Variants in DNAH6 observed in about 807,000 individuals in gnomAD.
DNAH6 encodes the protein axonemal beta dynein heavy chain 6.
A neutral mutation model predicts 491.4 loss-of-function variants in DNAH6; 340 were observed. That is an observed-to-expected ratio of 0.69 (90% confidence interval 0.63 to 0.76). The LOEUF (loss-of-function observed/expected upper bound fraction) is 0.76, where lower values mean the gene tolerates loss of function less well. DNAH6 is among the 30% of genes least tolerant of loss of function. The probability of loss-of-function intolerance (pLI) is 0.00; values close to 1 mark genes in which losing one functional copy is unlikely to be tolerated. For synonymous variants in DNAH6, 1,603 were observed against 1,686.1 expected (o/e 0.95, Z 1.21); for missense variants, 4,443 against 4,972.2 (o/e 0.89, Z 3.20).
the DNAH6 span, among the ~76,000 whole-genome samples, chr2:84,487,410 G>A: frequency 6.6e-6 from 1 of 152,174 alleles, no homozygotes; most frequent in Admixed American, 6.5e-5. Context: ...TGAACCCTGT[G>A]AAGAGTTGAG....
intron 11 of DNAH6, among the ~76,000 whole-genome samples, chr2:84,564,145 T>C (rs1224954630): frequency 6.6e-6 from 1 of 152,174 alleles, no homozygotes; most frequent in East Asian, 1.9e-4. Flanking sequence ...CCTTTACCTT[T>C]GTTGTTTTTG....
chr2:84,693,355 G>A (rs185748573), intron 45 of DNAH6, among the ~76,000 whole-genome samples: 2 of 151,980 alleles, frequency 1.3e-5, no homozygotes, highest in Non-Finnish European at 1.5e-5. Flanking sequence ...TCAGTTTAGT[G>A]GATTTTCCAT....
At chr2:84,506,157 T>C in the DNAH6 span, among the ~76,000 whole-genome samples, 34 of 152,228 alleles carry the variant, frequency 2.2e-4, no homozygotes, top group South Asian at 6.2e-4. Context: ...ATGGTTGAAC[T>C]AGTTTGCAGT....
At chr2:84,711,656 AGG>A (rs1697058498) in intron 56 of DNAH6, among the ~76,000 whole-genome samples, 1 of 152,234 alleles carries the variant, frequency 6.6e-6, no homozygotes, top group South Asian at 2.1e-4. Context: ...GAGGAAACTG[AGG>A]CATGGAAGGG....
At chr2:84,679,705 G>A (rs1273215361) in intron 41 of DNAH6, among the ~76,000 whole-genome samples, 7 of 152,148 alleles carry the variant, frequency 4.6e-5, no homozygotes, top group Admixed American at 2.6e-4. Context: ...ATAATGATAC[G>A]CTAATTTTAA....
intron 64 of DNAH6, among the ~76,000 whole-genome samples, chr2:84,766,921 C>T (rs1202663723): frequency 6.6e-6 from 1 of 152,050 alleles, no homozygotes; most frequent in Admixed American, 6.6e-5. Context: ...CAAATAATGC[C>T]AGGTAAGAAA....
At chr2:84,652,956 A>G (rs575683262) in intron 33 of DNAH6, among the ~76,000 whole-genome samples, 1 of 152,010 alleles carries the variant, frequency 6.6e-6, no homozygotes, top group East Asian at 1.9e-4. Context: ...TAAATTTTTA[A>G]GTGAGATATT....
chr2:84,717,417 A>C (rs1414844591), intron 58 of DNAH6, among the ~76,000 whole-genome samples: 1 of 152,232 alleles, frequency 6.6e-6, no homozygotes, highest in African/African-American at 2.4e-5. Flanking sequence ...TACTTAAGGC[A>C]GCATACTAGT....
chr2:84,731,558 C>T (rs879750966), intron 61 of DNAH6, among the ~76,000 whole-genome samples: 3 of 152,196 alleles, frequency 2.0e-5, no homozygotes, highest in Non-Finnish European at 4.4e-5. Context: ...TTGTCATGCC[C>T]CTGGCTTGGA....
At position 84,815,860 on chromosome 2, in the gene DNAH6, G is replaced by GT; in HGVS notation, c.12152dup (p.Leu4051PhefsTer5). On this transcript the variant is annotated frameshift_variant and splice_region_variant. Coordinates refer to ENST00000389394, the MANE Select transcript of DNAH6 (RefSeq NM_001370.2). LOFTEE classifies it high-confidence loss of function. ...CTTTGAGACTTGTGGGTATCTTTCAGTTGCCCTCTCCTGAGGATGGTGTTC... is the reference window on the plus strand; with the variant it reads ...CTTTGAGACTTGTGGGTATCTTTCAGTTTGCCCTCTCCTGAGGATGGTGTTC... The GT allele has an allele frequency of 6.5e-7, 1 of 1,548,360 alleles. No homozygotes were observed. Among genetic ancestry groups the GT allele is most frequent in the Non-Finnish European group, 8.7e-7 (1 of 1,144,688 alleles).
chr2:84,792,020 A>T (rs189219754), intron 68 of DNAH6, among the ~76,000 whole-genome samples: 1 of 152,238 alleles, frequency 6.6e-6, no homozygotes, highest in Non-Finnish European at 1.5e-5. Context: ...AGTATCGTAT[A>T]TACATACAAT....
chr2:84,477,744 A>G, the DNAH6 span, among the ~76,000 whole-genome samples: 2 of 152,200 alleles, frequency 1.3e-5, no homozygotes, highest in East Asian at 1.9e-4. Context: ...GGGGCTGAAT[A>G]TTTGTGAGGA....
At chr2:84,692,643 C>A (rs902993574) in intron 45 of DNAH6, among the ~76,000 whole-genome samples, 1 of 152,138 alleles carries the variant, frequency 6.6e-6, no homozygotes, top group African/African-American at 2.4e-5. Flanking sequence ...TTATCACCCC[C>A]TTTTCTATCA....
chr2:84,653,385 A>C lies in DNAH6; in HGVS notation c.5145A>C (p.Ser1715=). The part of the protein sequence containing the change: ...IPEHDYGILQ[S]TIVDVMNRQN... ...AACATGATTATGGTATTTTACAATC[A>C]ACAATTGTGGATGTCATGAATAGAC... is the stretch of plus-strand genomic sequence containing the variant. Residue 1715 remains serine, a synonymous_variant, in exon 34 of 77, where the codon TCA becomes TCC. Transcript: ENST00000389394. 6.4e-6 allele frequency: 10 copies of C among 1,550,764 alleles called. No homozygotes were observed. Among genetic ancestry groups the C allele is most frequent in the Non-Finnish European group, 8.7e-6 (10 of 1,146,434 alleles).
the DNAH6 span, among the ~76,000 whole-genome samples, chr2:84,506,462 A>G: frequency 6.6e-6 from 1 of 152,092 alleles, no homozygotes. Flanking sequence ...TAGATTCTGT[A>G]TATTAGCCCT....
chr2:84,493,026 C>A, the DNAH6 span, among the ~76,000 whole-genome samples: 1 of 151,862 alleles, frequency 6.6e-6, no homozygotes, highest in East Asian at 1.9e-4. Flanking sequence ...CTATATACTA[C>A]ATGTATATAT....
chr2:84,693,167 G>A (rs1357010905), intron 45 of DNAH6, among the ~76,000 whole-genome samples: 4 of 151,998 alleles, frequency 2.6e-5, no homozygotes. Flanking sequence ...TGGCCTCTGG[G>A]ATGCCATTTG....
intron 62 of DNAH6, among the ~76,000 whole-genome samples, chr2:84,739,341 G>C (rs1672297804): frequency 6.6e-6 from 1 of 152,064 alleles, no homozygotes; most frequent in Non-Finnish European, 1.5e-5. Flanking sequence ...TTGTCATCTT[G>C]TGTAGCATCT....
chr2:84,543,989 A>G (rs1678513742), intron 4 of DNAH6, among the ~76,000 whole-genome samples: 1 of 152,154 alleles, frequency 6.6e-6, no homozygotes, highest in Non-Finnish European at 1.5e-5. Flanking sequence ...TGTAAAAATC[A>G]TGTAACTGAA....
Sources: gnomAD v4.1 joint callset for allele counts (sites outside exome capture counted in the v4.1 genomes callset) on GRCh38, gnomAD v4.1.1 for gene constraint, MANE v1.5 for transcripts, NCBI Gene and HGNC (gene_info 2026-07-23, HGNC 2026-07-21) for gene names.